Variants in PTPRM observed in about 807,000 individuals in gnomAD.
PTPRM encodes the protein protein tyrosine phosphatase receptor type M.
In PTPRM, 47 loss-of-function variants were observed where a neutral mutation model predicts 186.7. The ratio of observed to expected loss-of-function variants is 0.25; its 90% CI spans 0.20 to 0.32. PTPRM has a LOEUF of 0.32. Ranked by LOEUF, PTPRM falls within the 10% of genes least tolerant of loss-of-function variation. The probability of loss-of-function intolerance (pLI) is 1.00; values close to 1 mark genes in which losing one functional copy is unlikely to be tolerated. For missense variants in PTPRM, 1,494 were observed against 1,865.0 expected (o/e 0.80, Z 3.66); for synonymous variants, 668 against 674.9 (o/e 0.99, Z 0.16).
intron 22 of PTPRM, among the ~76,000 whole-genome samples, chr18:8,334,126 G>C (rs1329227032): frequency 6.6e-6 from 1 of 152,214 alleles, no homozygotes; most frequent in Non-Finnish European, 1.5e-5. Flanking sequence ...TGCATATAAA[G>C]AGCAGCATCC....
chr18:8,170,202 C>T (rs759379316), intron 14 of PTPRM, among the ~76,000 whole-genome samples: 7 of 152,102 alleles, frequency 4.6e-5, no homozygotes, highest in Non-Finnish European at 1.0e-4. Context: ...AAGGACCACA[C>T]GATGAATTTG....
At chr18:8,018,948 C>T (rs999355152) in intron 7 of PTPRM, among the ~76,000 whole-genome samples, 2 of 152,160 alleles carry the variant, frequency 1.3e-5, no homozygotes, top group Non-Finnish European at 2.9e-5. Context: ...CATTTGTGCT[C>T]ACGTTAATTT....
chr18:7,572,264 T>A (rs2143351545), intron 1 of PTPRM, among the ~76,000 whole-genome samples: 1 of 152,294 alleles, frequency 6.6e-6, no homozygotes, highest in South Asian at 2.1e-4. Context: ...AGTGTGTATA[T>A]AATTTTGGTA....
chr18:7,916,174 A>C (rs1432894355), intron 4 of PTPRM, among the ~76,000 whole-genome samples: 20 of 152,192 alleles, frequency 1.3e-4, no homozygotes, highest in Non-Finnish European at 2.9e-5. Flanking sequence ...TGATGGGTAC[A>C]CTAAAAATCC....
chr18:7,980,202 C>T (rs1599839533), intron 7 of PTPRM, among the ~76,000 whole-genome samples: 1 of 152,202 alleles, frequency 6.6e-6, no homozygotes, highest in East Asian at 1.9e-4. Flanking sequence ...TTTCTACTAC[C>T]TCACCTCTGC....
intron 19 of PTPRM, among the ~76,000 whole-genome samples, chr18:8,253,881 A>G (rs2094551853): frequency 6.6e-6 from 1 of 152,108 alleles, no homozygotes; most frequent in Non-Finnish European, 1.5e-5. Context: ...ATGAAAACAA[A>G]TTTACCAGGG....
At chr18:7,639,054 T>C (rs2144155227) in intron 1 of PTPRM, among the ~76,000 whole-genome samples, 1 of 152,262 alleles carries the variant, frequency 6.6e-6, no homozygotes, top group South Asian at 2.1e-4. Context: ...AAACTAGATA[T>C]CTCATTTCCA....
intron 2 of PTPRM, among the ~76,000 whole-genome samples, chr18:7,882,954 A>C (rs1357206854): frequency 6.6e-6 from 1 of 152,204 alleles, no homozygotes; most frequent in Non-Finnish European, 1.5e-5. Flanking sequence ...TCACCCAGAG[A>C]TTTGAGAATG....
At chr18:7,929,595 G>A (rs1034521543) in intron 5 of PTPRM, among the ~76,000 whole-genome samples, 8 of 152,186 alleles carry the variant, frequency 5.3e-5, no homozygotes, top group Admixed American at 3.9e-4. Context: ...TTCCCTGGTT[G>A]GGTAGGCATT....
intron 2 of PTPRM, among the ~76,000 whole-genome samples, chr18:7,867,604 G>A (rs940803163): frequency 1.3e-5 from 2 of 152,156 alleles, no homozygotes; most frequent in Middle Eastern, 3.2e-3. Context: ...TGGGTAACCC[G>A]ACCTTTCTCT....
chr18:7,838,347 G>A (rs1412664681), intron 2 of PTPRM, among the ~76,000 whole-genome samples: 2 of 152,170 alleles, frequency 1.3e-5, no homozygotes, highest in African/African-American at 2.4e-5. Flanking sequence ...ACCCTCCCAC[G>A]ACATGTGGGG....
chr18:8,289,547 T>C lies in PTPRM; in HGVS notation c.2755-6821T>C, dbSNP rs868472337. 8.0e-3 allele frequency among the ~76,000 whole-genome samples: 854 copies of C among 106,622 alleles called. 23 individuals carry two copies. The highest frequency in any genetic ancestry group is 0.022 in the South Asian group (67 of 3,020). 69.9% of individuals were successfully genotyped at this position (106,622 alleles called of 152,430 possible). On this transcript the variant is annotated intron_variant, in intron 19 of 32. Coordinates refer to ENST00000580170, the MANE Select transcript of PTPRM (RefSeq NM_001105244.2). Reference sequence around the variant, plus strand: ...ATACATATATATACACATATATATATATACATATATATACACATATATATA... The same window carrying C: ...ATACATATATATACACATATATATACATACATATATATACACATATATATA...
Position 8,325,349 on chromosome 18 carries a change from T to C in PTPRM, c.2956+6135T>C, listed in dbSNP as rs374999827. 2.8e-3 allele frequency among the ~76,000 whole-genome samples: 432 copies of C among 152,330 alleles called. 24 individuals carry two copies. In the South Asian group the frequency reaches 0.086, roughly 30 times the overall value. ...CCCTCAGGTAGGTCCCAGTGTCTGTTGCTGCCTCCTTTGTGCCCATGTGTT... is the reference window on the plus strand; with the variant it reads ...CCCTCAGGTAGGTCCCAGTGTCTGTCGCTGCCTCCTTTGTGCCCATGTGTT... On this transcript the variant is annotated intron_variant, in intron 22 of 32. Transcript: ENST00000580170.
At chr18:7,845,035 A>G (rs1264429899) in intron 2 of PTPRM, among the ~76,000 whole-genome samples, 1 of 152,174 alleles carries the variant, frequency 6.6e-6, no homozygotes, top group East Asian at 1.9e-4. Context: ...CTGTTAATAG[A>G]CAGGATCTAT....
intron 14 of PTPRM, among the ~76,000 whole-genome samples, chr18:8,242,832 A>C (rs1303471558): frequency 6.6e-6 from 1 of 152,196 alleles, no homozygotes; most frequent in African/African-American, 2.4e-5. Flanking sequence ...GCAATCACCT[A>C]ATATGAGTGT....
At chr18:7,905,012 A>C (rs1330933739) in intron 3 of PTPRM, among the ~76,000 whole-genome samples, 1 of 150,678 alleles carries the variant, frequency 6.6e-6, no homozygotes. Flanking sequence ...TATTTTGTTG[A>C]GACTGAGTTT....
intron 19 of PTPRM, among the ~76,000 whole-genome samples, chr18:8,279,043 G>A (rs953262451): frequency 7.2e-5 from 11 of 151,758 alleles, no homozygotes; most frequent in Non-Finnish European, 1.5e-4. Context: ...AAAGCTGCAC[G>A]TTGCGCACAT....
intron 2 of PTPRM, among the ~76,000 whole-genome samples, chr18:7,877,323 T>G (rs1451671444): frequency 6.6e-6 from 1 of 152,196 alleles, no homozygotes; most frequent in Non-Finnish European, 1.5e-5. Flanking sequence ...TGAAGATAAA[T>G]TCAAGTGCCA....
In PTPRM at chr18:8,368,516, T is replaced by C. The variant is rs144963302; in HGVS notation, c.3055-2374T>C. ...ACTTACTGAGGGCAGGGACCATCAT[T>C]GTCTCCTGCTTTACAGTATCTGCAA... On this transcript the variant is annotated intron_variant, in intron 23 of 32. Transcript: ENST00000580170. Among the ~76,000 whole-genome samples the C allele has an allele frequency of 7.1e-3, 1,082 of 152,280 alleles. 11 individuals carry two copies. The highest frequency in any genetic ancestry group is 0.021 in the African/African-American group (872 of 41,556).
Sources: allele counts gnomAD v4.1 joint callset (sites outside exome capture counted in the v4.1 genomes callset), GRCh38; gene constraint gnomAD v4.1.1; transcripts MANE v1.5; gene names NCBI Gene and HGNC (gene_info 2026-07-23, HGNC 2026-07-21).